The following RANBP2 variants were observed in gnomAD, a reference collection of about 807,000 sequenced individuals.
The protein encoded by RANBP2 is RAN binding protein 2.
RANBP2 carries 57 observed loss-of-function variants against 303.6 expected under a neutral mutation model. That is an observed-to-expected ratio of 0.19 (90% confidence interval 0.15 to 0.23). The LOEUF (loss-of-function observed/expected upper bound fraction) is 0.23. RANBP2 is among the 10% of genes least tolerant of loss of function. RANBP2 has a pLI of 1.00. For synonymous variants in RANBP2, 1,167 were observed against 1,301.5 expected, an observed-to-expected ratio of 0.90 and a Z score of 2.23; for missense variants, 3,138 against 3,780.8, an observed-to-expected ratio of 0.83 and a Z score of 4.46.
chr2:109,099,374 T>A, the RANBP2 span, among the ~76,000 whole-genome samples: 1 of 152,142 alleles, frequency 6.6e-6, no homozygotes, highest in Non-Finnish European at 1.5e-5. Flanking sequence ...CCAGTCCACT[T>A]CGGGTCGGTG....
chr2:108,777,095 T>TTA, intron 24 of RANBP2, 35 bp from the exon 25 acceptor site: 1 of 1,584,060 alleles, frequency 6.3e-7, no homozygotes, highest in Non-Finnish European at 8.7e-7. Flanking sequence ...TCAGCACAAA[T>TTA]TAAATAGTAA....
the RANBP2 span, among the ~76,000 whole-genome samples, chr2:109,188,685 G>A: frequency 6.6e-6 from 1 of 152,180 alleles, no homozygotes; most frequent in Admixed American, 6.5e-5. Context: ...GTTTGCTCCT[G>A]ACTTTGCAAG....
the RANBP2 span, chr2:109,567,963 G>A: frequency 1.2e-6 from 2 of 1,602,522 alleles, no homozygotes; most frequent in Non-Finnish European, 1.7e-6. Flanking sequence ...GGCAATCACT[G>A]GTATAATGTT....
chr2:109,683,447 T>C, the RANBP2 span, among the ~76,000 whole-genome samples: 1 of 152,158 alleles, frequency 6.6e-6, no homozygotes, highest in Non-Finnish European at 1.5e-5. Context: ...GTGAACCTTC[T>C]GGGGGTGAAG....
chr2:109,528,090 G>T, the RANBP2 span, among the ~76,000 whole-genome samples: 3 of 152,224 alleles, frequency 2.0e-5, no homozygotes, highest in African/African-American at 7.2e-5. Flanking sequence ...CAGCTGAAGG[G>T]AGGTCATCAG....
chr2:109,585,110 A>G, the RANBP2 span: 14 of 1,486,126 alleles, frequency 9.4e-6, no homozygotes, highest in Non-Finnish European at 1.3e-5. Flanking sequence ...TTTTATTACA[A>G]GAAGAAAACA....
chr2:109,129,420 G>T, the RANBP2 span: 1 of 1,461,692 alleles, frequency 6.8e-7, no homozygotes, highest in Middle Eastern at 2.2e-4. Flanking sequence ...GCCACCAGCC[G>T]GGGTGAAGAA....
At chr2:109,019,802 T>A in the RANBP2 span, among the ~76,000 whole-genome samples, 2 of 152,214 alleles carry the variant, frequency 1.3e-5, no homozygotes, top group Non-Finnish European at 2.9e-5. Context: ...GCTTCTCCTG[T>A]CCACAGTACA....
At chr2:109,761,473 A>C in the RANBP2 span, among the ~76,000 whole-genome samples, 1 of 148,074 alleles carries the variant, frequency 6.8e-6, no homozygotes, top group South Asian at 2.4e-4. Context: ...CCTTTGTGCC[A>C]CGCTCACAGC....
chr2:109,011,025 C>T, the RANBP2 span, among the ~76,000 whole-genome samples: 2 of 152,290 alleles, frequency 1.3e-5, no homozygotes, highest in Non-Finnish European at 2.9e-5. Flanking sequence ...GTCTCTTTGG[C>T]CAAGGCTAGT....
At chr2:108,798,461 G>A in the RANBP2 span, 149 of 1,613,464 alleles carry the variant, frequency 9.2e-5, no homozygotes, top group Non-Finnish European at 1.2e-4. Flanking sequence ...ATTTGCTGAA[G>A]AACTTCAAAA....
At chr2:109,515,602 T>C in the RANBP2 span, among the ~76,000 whole-genome samples, 1 of 152,112 alleles carries the variant, frequency 6.6e-6, no homozygotes, top group Non-Finnish European at 1.5e-5. Flanking sequence ...AACTCGGCCA[T>C]GGCTACAGAG....
chr2:108,818,911 T>G, the RANBP2 span, among the ~76,000 whole-genome samples: 7 of 152,146 alleles, frequency 4.6e-5, no homozygotes, highest in African/African-American at 1.7e-4. Context: ...AGGAGTAAAT[T>G]TGATATACTG....
At chr2:109,734,178 CAA>C in the RANBP2 span, among the ~76,000 whole-genome samples, 2 of 135,364 alleles carry the variant, frequency 1.5e-5, no homozygotes, top group Admixed American at 7.6e-5. Flanking sequence ...GACTCCACCT[CAA>C]AAAAAAAAAA....
At chr2:108,806,844 T>C in the RANBP2 span, among the ~76,000 whole-genome samples, 12 of 152,214 alleles carry the variant, frequency 7.9e-5, no homozygotes, top group African/African-American at 2.9e-4. Flanking sequence ...CTAGCCAAGC[T>C]GAGGAGGCAA....
the RANBP2 span, among the ~76,000 whole-genome samples, chr2:109,589,220 G>A: frequency 7.2e-5 from 11 of 152,016 alleles, no homozygotes; most frequent in East Asian, 3.9e-4. Flanking sequence ...TTGGCACACC[G>A]CAACCTCCAC....
Position 108,764,913 on chromosome 2 carries a change from A to C in RANBP2, c.4374A>C (p.Lys1458Asn). 1 of 1,614,054 alleles carries C rather than the reference A, an allele frequency of 6.2e-7. No homozygotes were observed. Among genetic ancestry groups the C allele is most frequent in the South Asian group, 1.1e-5 (1 of 91,074 alleles). Residue 1458 changes from lysine (K) to asparagine (N), a missense_variant, in exon 20 of 29, where the codon AAA (lysine) becomes AAC (asparagine). By Grantham distance (94) the Lys-to-Asn change is moderately conservative. Coordinates refer to ENST00000283195, the MANE Select transcript of RANBP2 (RefSeq NM_006267.5). The part of the protein sequence containing the change: ...GSSFVHQASF[K>N]FGQGDLPKPI... ...CATTTGTTCATCAAGCTTCATTTAA[A>C]TTTGGCCAGGGAGATCTTCCTAAAC...
Position 108,763,489 on chromosome 2 carries a change from C to A in RANBP2, c.2950C>A (p.Pro984Thr), listed in dbSNP as rs1676886674. Residue 984 changes from proline (P) to threonine (T), a missense_variant, in exon 20 of 29, where the codon CCT (proline) becomes ACT (threonine). Pro to Thr is a conservative substitution (Grantham distance 38). Around this residue, in one of 20 missense-constraint regions of RANBP2, gnomAD observed 403 missense variants for 376.7 expected, o/e 1.07. Coordinates refer to ENST00000283195, the MANE Select transcript of RANBP2 (RefSeq NM_006267.5). ...PLPEPGYFTK[P>T]PIAAHASRSA... ...GCCAGAACCAGGATATTTCACAAAACCTCCGATTGCAGCTCATGCTTCAAG... is the reference window on the plus strand; with the variant it reads ...GCCAGAACCAGGATATTTCACAAAAACTCCGATTGCAGCTCATGCTTCAAG... 1 of 1,613,928 alleles carries A rather than the reference C, an allele frequency of 6.2e-7. No individual in the cohort carries two copies. The highest frequency in any genetic ancestry group is 1.3e-5 in the African/African-American group (1 of 74,882).
chr2:109,327,896 T>G, the RANBP2 span, among the ~76,000 whole-genome samples: 2 of 152,222 alleles, frequency 1.3e-5, no homozygotes, highest in African/African-American at 4.8e-5. Flanking sequence ...CATTTCTTTT[T>G]CTTGTTATTA....
Sources: allele counts gnomAD v4.1 joint callset (sites outside exome capture counted in the v4.1 genomes callset), GRCh38; gene constraint gnomAD v4.1.1; regional missense constraint gnomAD v4.1.1; transcripts MANE v1.5; gene names NCBI Gene and HGNC (gene_info 2026-07-23, HGNC 2026-07-21).